CACNA1C: variants seen among roughly 807,000 people sequenced by gnomAD.
CACNA1C encodes calcium voltage-gated channel subunit alpha1 C.
A neutral mutation model predicts 229.0 loss-of-function variants in CACNA1C; 30 were observed. That is an observed-to-expected ratio of 0.13 (90% CI 0.10 to 0.18). CACNA1C has a LOEUF of 0.18. Among genes scored for constraint, CACNA1C ranks in the 10% least tolerant of loss-of-function variants. The pLI, the probability that CACNA1C is intolerant of heterozygous loss-of-function variation, is 1.00. For missense variants in CACNA1C, 1,658 were observed against 2,845.0 expected (o/e 0.58, Z 9.49); for synonymous variants, 1,114 against 1,132.5 (o/e 0.98, Z 0.33).
At chr12:2,179,115 C>T (rs1289342307) in intron 3 of CACNA1C, among the ~76,000 whole-genome samples, 1 of 152,110 alleles carries the variant, frequency 6.6e-6, no homozygotes, top group African/African-American at 2.4e-5. Context: ...TGATGGCGGT[C>T]TTTTCTGTAC....
At chr12:2,373,102 C>T (rs1237529350) in intron 3 of CACNA1C, among the ~76,000 whole-genome samples, 2 of 152,342 alleles carry the variant, frequency 1.3e-5, no homozygotes, top group Non-Finnish European at 2.9e-5. Context: ...GACAGGAAAG[C>T]ATCTCGTTGT....
chr12:2,196,370 T>C (rs1229644638), intron 3 of CACNA1C, among the ~76,000 whole-genome samples: 1 of 152,250 alleles, frequency 6.6e-6, no homozygotes, highest in African/African-American at 2.4e-5. Context: ...CAAGTCAGAA[T>C]TTCCCAGCTT....
In CACNA1C at chr12:2,120,656, C is replaced by CTG. The variant is rs112680750; in HGVS notation, c.477+266_477+267dup. On this transcript the variant is annotated intron_variant, in intron 3 of 46. Coordinates refer to ENST00000399655, the MANE Select transcript of CACNA1C (RefSeq NM_000719.7). ...TATTCCAGTTAGGTGGTGGTGAGCT[C>CTG]TGTGTGTGTGTGTGTGTGTGTGTGT... Among the ~76,000 whole-genome samples, 28,317 of 139,502 alleles carry CTG rather than the reference C, an allele frequency of 0.2. 2,741 individuals are homozygous for CTG. Among genetic ancestry groups the CTG allele is most frequent in the South Asian group, 0.26 (1,086 of 4,120 alleles). 91.5% of individuals were successfully genotyped at this position (139,502 alleles called of 152,430 possible).
intron 3 of CACNA1C, among the ~76,000 whole-genome samples, chr12:2,143,067 C>A (rs769849430): frequency 1.3e-5 from 2 of 150,872 alleles, no homozygotes; most frequent in African/African-American, 4.8e-5. Context: ...CCTCCGCCTC[C>A]CAGGTTCAAG....
At chr12:2,438,928 T>A (rs1050153596) in intron 3 of CACNA1C, among the ~76,000 whole-genome samples, 1 of 152,086 alleles carries the variant, frequency 6.6e-6, no homozygotes, top group Non-Finnish European at 1.5e-5. Flanking sequence ...TGCTGCACTT[T>A]TTCCCCATTT....
chr12:2,239,757 ACCATTCCCTAAGGCTCAG>A (rs1303414990), intron 3 of CACNA1C, among the ~76,000 whole-genome samples: 1 of 152,128 alleles, frequency 6.6e-6, no homozygotes, highest in Admixed American at 6.5e-5. Flanking sequence ...GTGCCCGGCT[ACCATTCCCTAAGGCTCAG>A]CCATTGCGCC....
intron 9 of CACNA1C, among the ~76,000 whole-genome samples, chr12:2,546,164 C>G (rs2099880546): frequency 6.6e-6 from 1 of 152,038 alleles, no homozygotes; most frequent in South Asian, 2.1e-4. Context: ...TGTCTTCACA[C>G]TCTTCCATGC....
At chr12:2,151,021 G>A (rs2095206340) in intron 3 of CACNA1C, among the ~76,000 whole-genome samples, 1 of 152,102 alleles carries the variant, frequency 6.6e-6, no homozygotes, top group African/African-American at 2.4e-5. Context: ...GTTCACTGTT[G>A]GTCTGTCTGT....
intron 29 of CACNA1C, among the ~76,000 whole-genome samples, chr12:2,623,953 C>T (rs939865309): frequency 6.6e-6 from 1 of 152,230 alleles, no homozygotes; most frequent in African/African-American, 2.4e-5. Context: ...GTGCCGTGCT[C>T]AGCAGGACTT....
chr12:2,388,872 A>T (rs2154548109), intron 3 of CACNA1C, among the ~76,000 whole-genome samples: 1 of 152,328 alleles, frequency 6.6e-6, no homozygotes, highest in East Asian at 1.9e-4. Flanking sequence ...AGTGTCTATG[A>T]CATATCCGAG....
At chr12:2,555,854 G>A (rs74053823) in intron 10 of CACNA1C, among the ~76,000 whole-genome samples, 5,044 of 152,088 alleles carry the variant, frequency 0.033, 276 homozygotes, top group African/African-American at 0.11. Context: ...CTTGCTCTGC[G>A]ACACAGCTAG....
intron 3 of CACNA1C, among the ~76,000 whole-genome samples, chr12:2,261,338 A>G (rs1168181125): frequency 1.3e-5 from 2 of 152,228 alleles, no homozygotes; most frequent in East Asian, 1.9e-4. Flanking sequence ...CAGAAGAGTG[A>G]CATTGCTTTA....
chr12:2,115,012 G>A (rs2083274554), intron 1 of CACNA1C, among the ~76,000 whole-genome samples: 1 of 152,204 alleles, frequency 6.6e-6, no homozygotes, highest in Non-Finnish European at 1.5e-5. Context: ...GGAGTGACAC[G>A]CCCAAGGTCA....
chr12:2,060,705 CA>C (rs1243392312), intron 1 of CACNA1C, among the ~76,000 whole-genome samples: 5 of 152,188 alleles, frequency 3.3e-5, no homozygotes, highest in African/African-American at 9.6e-5. Flanking sequence ...ATGAAATATT[CA>C]AGCTGCCAAT....
intron 29 of CACNA1C, among the ~76,000 whole-genome samples, chr12:2,626,161 A>G (rs926357476): frequency 1.3e-5 from 2 of 152,192 alleles, no homozygotes; most frequent in Admixed American, 6.5e-5. Flanking sequence ...TGCCCTGGCC[A>G]TGCCTGGAGC....
intron 3 of CACNA1C, among the ~76,000 whole-genome samples, chr12:2,247,642 A>G (rs1228347939): frequency 2.0e-5 from 3 of 152,170 alleles, no homozygotes; most frequent in Non-Finnish European, 2.9e-5. Flanking sequence ...TCAGTTCCCT[A>G]TGGACGATGG....
chr12:2,106,585 T>C (rs1245614716), intron 1 of CACNA1C, among the ~76,000 whole-genome samples: 53 of 102,802 alleles, frequency 5.2e-4, no homozygotes, highest in African/African-American at 1.7e-3. Flanking sequence ...AGCCACTGGG[T>C]GCTCACCCTG....
At chr12:2,043,943 C>T (rs976344264) in intron 1 of CACNA1C, among the ~76,000 whole-genome samples, 3 of 151,908 alleles carry the variant, frequency 2.0e-5, no homozygotes, top group African/African-American at 7.3e-5. Flanking sequence ...GCGTGAGCCA[C>T]CGCGCCCGGC....
At chr12:2,669,090 A>G in intron 38 of CACNA1C, 55 bp downstream of exon 38, 1 of 1,239,372 alleles carries the variant, frequency 8.1e-7, no homozygotes, top group Non-Finnish European at 1.2e-6. Context: ...GCAGACAATC[A>G]GAGAGGAGCT....
Sources: gnomAD v4.1 joint callset for allele counts (sites outside exome capture counted in the v4.1 genomes callset) on GRCh38, gnomAD v4.1.1 for gene constraint, MANE v1.5 for transcripts, NCBI Gene and HGNC (gene_info 2026-07-23, HGNC 2026-07-21) for gene names.